Variants in TEX30 observed in about 807,000 individuals in gnomAD.
TEX30 encodes the protein testis expressed 30, also known as testis-expressed protein 30.
In TEX30, 14 loss-of-function variants were observed where a neutral mutation model predicts 23.8. The observed-to-expected ratio is 0.59, with a 90% CI of 0.39 to 0.92. The LOEUF (loss-of-function observed/expected upper bound fraction) is 0.92. Among genes scored for constraint, TEX30 ranks in the 40% least tolerant of loss-of-function variants. TEX30 has a pLI of 0.00. For synonymous variants in TEX30, 78 were observed against 90.2 expected (o/e 0.87, Z 0.76); for missense variants, 246 against 270.6 (o/e 0.91, Z 0.64).
chr13:102,770,818 G>A (rs1450708224), intron 1 of TEX30: 1 of 152,180 alleles, frequency 6.6e-6, no homozygotes, highest in African/African-American at 2.4e-5. Flanking sequence ...ACCAACAGCT[G>A]ATCTGAAGAT....
chr13:102,769,615 G>C, intron 2 of TEX30, 74 bp from the exon 3 acceptor site: 1 of 876,822 alleles, frequency 1.1e-6, no homozygotes, highest in East Asian at 2.8e-5. Context: ...CTATATATAT[G>C]TTTGCTCTGT....
At chr13:102,773,148 C>G (rs1371068056) in intron 1 of TEX30, among the ~76,000 whole-genome samples, 3 of 152,258 alleles carry the variant, frequency 2.0e-5, no homozygotes, top group African/African-American at 7.2e-5. Flanking sequence ...ACGTTCGTGC[C>G]CTGTTACGTC....
chr13:102,768,755 A>T (rs2139033957), intron 3 of TEX30, among the ~76,000 whole-genome samples: 1 of 152,310 alleles, frequency 6.6e-6, no homozygotes, highest in Non-Finnish European at 1.5e-5. Flanking sequence ...GTTGTGCCAC[A>T]CATAAAATAC....
intron 1 of TEX30, among the ~76,000 whole-genome samples, chr13:102,772,836 G>T (rs1057459463): frequency 6.6e-6 from 1 of 152,238 alleles, no homozygotes; most frequent in Non-Finnish European, 1.5e-5. Flanking sequence ...CATGGTGCTG[G>T]GGTCAGGCGT....
At position 102,769,421 on chromosome 13, in the gene TEX30, G is replaced by T. The variant is rs1362588567; in HGVS notation, c.136C>A (p.His46Asn). The part of the protein sequence containing the change: ...HGASGDMNLP[H>N]LMSLASHLAS... ...AGATGGGATGCCAGTGACATCAAAT[G>T]AGGAAGATTCATATCTCCTGATGCT... The change falls in exon 3 of 6, where the codon CAT (histidine) becomes AAT (asparagine). Residue 46 changes from histidine (H) to asparagine (N), a missense_variant. By Grantham distance (68) the His-to-Asn change is moderately conservative (BLOSUM62 1). Coordinates refer to ENST00000376032, the MANE Select transcript of TEX30 (RefSeq NM_138779.5). 1 of 1,610,884 alleles carries T rather than the reference G, an allele frequency of 6.2e-7. No individual in the cohort carries two copies. The highest frequency in any genetic ancestry group is 8.5e-7 in the Non-Finnish European group (1 of 1,179,032).
In TEX30 at chr13:102,769,340, G is replaced by A. The variant is rs755732976; in HGVS notation, c.217C>T (p.His73Tyr). ...RFTCKGLNIV[H>Y]RIKAYKSVLN... Reference sequence around the variant, plus strand: ...ACTGATTTATACGCCTTAATTCTATGTACAATATTAAGGCCTTTACAGGTA... The same window carrying A: ...ACTGATTTATACGCCTTAATTCTATATACAATATTAAGGCCTTTACAGGTA... The change falls in exon 3 of 6, where the codon CAT (histidine) becomes TAT (tyrosine). Residue 73 changes from histidine to tyrosine, a missense_variant. Transcript: ENST00000376032. 8.9e-6 allele frequency: 14 copies of A among 1,569,410 alleles called. No homozygotes were observed. Among genetic ancestry groups the A allele is most frequent in the Non-Finnish European group, 1.2e-5 (14 of 1,164,820 alleles).
chr13:102,769,253 T>G, intron 3 of TEX30, 58 bp downstream of exon 3: 4 of 1,200,272 alleles, frequency 3.3e-6, no homozygotes, highest in African/African-American at 1.6e-5. Context: ...TTATCTTACA[T>G]TTATTAAGGA....
chr13:102,766,349 C>T lies in TEX30; in HGVS notation c.*52G>A, dbSNP rs1408308351. Reference sequence around the variant, plus strand: ...ATATCTCACAATGCTGAGAGGCATACTCTTCTTTATCAAATTAACTGTATG... The same window carrying T: ...ATATCTCACAATGCTGAGAGGCATATTCTTCTTTATCAAATTAACTGTATG... On this transcript the variant is annotated 3_prime_UTR_variant, in exon 6 of 6. Coordinates refer to ENST00000376032, the MANE Select transcript of TEX30 (RefSeq NM_138779.5). 2.7e-6 allele frequency: 4 copies of T among 1,474,502 alleles called. No homozygotes were observed. The highest frequency in any genetic ancestry group is 2.8e-6 in the Non-Finnish European group (3 of 1,073,372). The allele number at this position is 1,474,502 out of a possible 1,614,324, so 91.3% of individuals were successfully genotyped here.
chr13:102,767,557 T>A (rs1876994127), intron 4 of TEX30, 79 bp from the exon 5 acceptor site: 18 of 1,391,352 alleles, frequency 1.3e-5, no homozygotes, highest in Non-Finnish European at 1.8e-5. Flanking sequence ...GCAAATTGGA[T>A]CTTTTACTGT....
At chr13:102,771,653 T>G (rs1412843936) in intron 1 of TEX30, among the ~76,000 whole-genome samples, 1 of 152,192 alleles carries the variant, frequency 6.6e-6, no homozygotes, top group Non-Finnish European at 1.5e-5. Context: ...AGCTTCAGTG[T>G]CCCTATCTTC....
At chr13:102,770,153 GAACA>G in intron 1 of TEX30, 67 bp from the exon 2 acceptor site, 27 of 509,508 alleles carry the variant, frequency 5.3e-5, no homozygotes, top group Non-Finnish European at 7.6e-5. Flanking sequence ...AACTATGAAT[GAACA>G]CATTCAGTAG....
rs767178981 is a variant in TEX30, at chr13:102,769,555, G to A, written c.16-14C>T. Reference sequence around the variant, plus strand: ...TTTTAATTTAACCTGGAATTCAAGAGAATAAAGGGATCAAAAATTACTTTC... The same window carrying A: ...TTTTAATTTAACCTGGAATTCAAGAAAATAAAGGGATCAAAAATTACTTTC... On this transcript the variant is annotated splice_polypyrimidine_tract_variant and intron_variant, in intron 2 of 5. Coordinates refer to ENST00000376032, the MANE Select transcript of TEX30 (RefSeq NM_138779.5). 3 of 1,496,266 alleles carry A rather than the reference G, an allele frequency of 2.0e-6. No homozygotes were observed. Among genetic ancestry groups the A allele is most frequent in the Admixed American group, 2.0e-5 (1 of 50,366 alleles). The allele number at this position is 1,496,266 out of a possible 1,614,324, so 92.7% of individuals were successfully genotyped here.
At chr13:102,772,799 T>C (rs986518232) in intron 1 of TEX30, among the ~76,000 whole-genome samples, 6 of 152,148 alleles carry the variant, frequency 3.9e-5, no homozygotes, top group Non-Finnish European at 5.9e-5. Flanking sequence ...ACTCCTGACC[T>C]CAGGTGATCC....
At chr13:102,768,185 C>G (rs1877046364) in intron 4 of TEX30, 75 bp downstream of exon 4, 1 of 1,260,364 alleles carries the variant, frequency 7.9e-7, no homozygotes, top group Non-Finnish European at 1.1e-6. Flanking sequence ...CTATGATCAA[C>G]TAATTTTAAT....
At chr13:102,767,136 A>C in intron 5 of TEX30, 137 bp downstream of exon 5, 1 of 824,284 alleles carries the variant, frequency 1.2e-6, no homozygotes, top group Non-Finnish European at 1.8e-6. Context: ...CAAAAGCAAC[A>C]GAGTAACCAG....
chr13:102,773,002 G>A (rs1595298459), intron 1 of TEX30, among the ~76,000 whole-genome samples: 1 of 152,270 alleles, frequency 6.6e-6, no homozygotes. Context: ...GCCAGCTCTA[G>A]TGGCGTCCGG....
Position 102,767,339 on chromosome 13 carries a change from T to G in TEX30, c.438A>C (p.Glu146Asp), listed in dbSNP as rs1250318425. 5 of 1,614,006 alleles carry G rather than the reference T, an allele frequency of 3.1e-6. No individual in the cohort carries two copies. The highest frequency in any genetic ancestry group is 4.2e-6 in the Non-Finnish European group (5 of 1,180,028). The change falls in exon 5 of 6, where the codon GAA (glutamate) becomes GAC (aspartate). Residue 146 changes from glutamate (E) to aspartate (D), a missense_variant. Coordinates refer to ENST00000376032, the MANE Select transcript of TEX30 (RefSeq NM_138779.5). ...CAGGCTCTTTTAAACGAAAGAGGTCTTCATCTCTGAGTTTATGCTGCTGCT... is the reference window on the plus strand; with the variant it reads ...CAGGCTCTTTTAAACGAAAGAGGTCGTCATCTCTGAGTTTATGCTGCTGCT... ...HPKQQHKLRD[E>D]DLFRLKEPVL...
In TEX30 at chr13:102,768,277, G is replaced by A. The variant is rs199713533; in HGVS notation, c.281C>T (p.Ala94Val). The A allele has an allele frequency of 6.2e-7, 1 of 1,605,028 alleles. No individual in the cohort carries two copies. Among genetic ancestry groups the A allele is most frequent in the African/African-American group, 1.3e-5 (1 of 74,406 alleles). ...GCACTTACCTCCAAGAAAAACACCT[G>A]CAAGTTTGTATTCTCCTGATGTCTT... ...YLKTSGEYKL[A>V]GVFLGGRSMG... Residue 94 changes from alanine (A) to valine (V), a missense_variant, in exon 4 of 6, where the codon GCA becomes GTA. Transcript: ENST00000376032.
chr13:102,768,696 C>T (rs937508259), intron 3 of TEX30, among the ~76,000 whole-genome samples: 19 of 152,086 alleles, frequency 1.2e-4, no homozygotes, highest in Admixed American at 1.3e-4. Context: ...TTATTTAGAT[C>T]AGGGGTGTTC....
Sources: allele counts gnomAD v4.1 joint callset (sites outside exome capture counted in the v4.1 genomes callset), GRCh38; gene constraint gnomAD v4.1.1; transcripts MANE v1.5; gene names NCBI Gene and HGNC (gene_info 2026-07-23, HGNC 2026-07-21).